NRG3: variants seen among roughly 807,000 people sequenced by gnomAD.
NRG3 encodes pro-neuregulin-3, membrane-bound isoform.
Under a neutral mutation model 66.9 loss-of-function variants are expected in NRG3, and 31 were observed. The observed-to-expected ratio is 0.46, with a 90% CI of 0.35 to 0.63. NRG3 has a LOEUF of 0.63. Ranked by LOEUF, NRG3 falls within the 20% of genes least tolerant of loss-of-function variation. NRG3 has a pLI of 0.00. For missense variants in NRG3, 910 were observed against 878.9 expected, an observed-to-expected ratio of 1.04 and a Z score of -0.45; for synonymous variants, 393 against 359.4, an observed-to-expected ratio of 1.09 and a Z score of -1.06.
At chr10:82,491,061 T>C (rs1843048888) in intron 2 of NRG3, among the ~76,000 whole-genome samples, 1 of 151,626 alleles carries the variant, frequency 6.6e-6, no homozygotes, top group East Asian at 1.9e-4. Flanking sequence ...CTCCTCTCTC[T>C]TTCTCTACAC....
At chr10:82,699,507 C>T (rs1342613117) in intron 2 of NRG3, among the ~76,000 whole-genome samples, 2 of 152,084 alleles carry the variant, frequency 1.3e-5, no homozygotes. Context: ...TATTGTCAAG[C>T]TAGCCTTAAG....
At chr10:82,548,039 GTT>G (rs57096412) in intron 2 of NRG3, among the ~76,000 whole-genome samples, 1,783 of 120,960 alleles carry the variant, frequency 0.015, 16 homozygotes, top group Middle Eastern at 0.09. Flanking sequence ...CTCATGCCAC[GTT>G]TTTTTTTTTT....
At chr10:82,443,161 A>AG (rs2090531130) in intron 2 of NRG3, among the ~76,000 whole-genome samples, 1 of 152,044 alleles carries the variant, frequency 6.6e-6, no homozygotes, top group Admixed American at 6.6e-5. Flanking sequence ...GGAGAGGGAG[A>AG]GAAAAAAGCC....
chr10:82,299,833 GATGCAAAAAACCATCA>G (rs1421570345), intron 1 of NRG3, among the ~76,000 whole-genome samples: 3 of 151,974 alleles, frequency 2.0e-5, no homozygotes, highest in African/African-American at 7.2e-5. Flanking sequence ...AATTCCAAGG[GATGCAAAAAACCATCA>G]ATGTATTTTA....
At chr10:82,706,514 C>A (rs1271414550) in intron 2 of NRG3, among the ~76,000 whole-genome samples, 3 of 152,160 alleles carry the variant, frequency 2.0e-5, no homozygotes, top group African/African-American at 4.8e-5. Flanking sequence ...TCTTGTGAGT[C>A]TCCATCCTGG....
At chr10:82,953,129 C>A (rs1385319829) in intron 5 of NRG3, among the ~76,000 whole-genome samples, 1 of 151,878 alleles carries the variant, frequency 6.6e-6, no homozygotes, top group African/African-American at 2.4e-5. Flanking sequence ...TTAGCTGTTA[C>A]ATCTCCTAGG....
intron 3 of NRG3, among the ~76,000 whole-genome samples, chr10:82,778,816 T>A (rs1167187019): frequency 1.3e-5 from 2 of 152,012 alleles, no homozygotes; most frequent in Admixed American, 6.5e-5. Flanking sequence ...GTGGGGCAGC[T>A]GGTTGGTTCA....
chr10:82,668,369 C>A (rs181601053), intron 2 of NRG3, among the ~76,000 whole-genome samples: 4 of 152,220 alleles, frequency 2.6e-5, no homozygotes, highest in African/African-American at 9.6e-5. Flanking sequence ...TTATTACCCT[C>A]TTAGATTCTA....
chr10:82,456,829 G>C (rs1484389758), intron 2 of NRG3, among the ~76,000 whole-genome samples: 1 of 152,106 alleles, frequency 6.6e-6, no homozygotes, highest in Non-Finnish European at 1.5e-5. Context: ...CACTCGGCCT[G>C]CCCCAGGTCT....
chr10:82,319,653 G>T (rs976871321), intron 1 of NRG3, among the ~76,000 whole-genome samples: 1 of 152,162 alleles, frequency 6.6e-6, no homozygotes, highest in Non-Finnish European at 1.5e-5. Context: ...ATAAGTTGGG[G>T]TTTGGCAAAC....
chr10:82,072,149 G>T (rs2064844102), intron 1 of NRG3, among the ~76,000 whole-genome samples: 2 of 152,108 alleles, frequency 1.3e-5, no homozygotes, highest in Admixed American at 1.3e-4. Context: ...AAACATGTTT[G>T]CATATGATAT....
chr10:82,362,212 A>G (rs1369148363), intron 2 of NRG3, among the ~76,000 whole-genome samples: 3 of 150,794 alleles, frequency 2.0e-5, no homozygotes, highest in Non-Finnish European at 2.9e-5. Context: ...TTGTGGTACC[A>G]GTACTTAGAA....
chr10:82,597,533 T>C (rs1590816551), intron 2 of NRG3, among the ~76,000 whole-genome samples: 1 of 152,156 alleles, frequency 6.6e-6, no homozygotes, highest in Admixed American at 6.5e-5. Flanking sequence ...CAGGGGCAGG[T>C]TTCCTCATAA....
intron 1 of NRG3, among the ~76,000 whole-genome samples, chr10:81,968,867 T>C (rs2059826828): frequency 6.6e-6 from 1 of 152,148 alleles, no homozygotes; most frequent in Non-Finnish European, 1.5e-5. Context: ...GCTTATCTCT[T>C]TGGAGATGTG....
intron 1 of NRG3, among the ~76,000 whole-genome samples, chr10:82,220,775 A>G (rs911272088): frequency 2.0e-5 from 3 of 152,300 alleles, no homozygotes; most frequent in Non-Finnish European, 4.4e-5. Flanking sequence ...CTAGGGAGAC[A>G]GAGGCAAGAG....
At chr10:81,926,816 G>A (rs1846839107) in intron 1 of NRG3, among the ~76,000 whole-genome samples, 1 of 152,178 alleles carries the variant, frequency 6.6e-6, no homozygotes, top group African/African-American at 2.4e-5. Context: ...GATGTACCCT[G>A]ACTGCCACTT....
chr10:82,904,760 G>A (rs1844566635), intron 4 of NRG3, among the ~76,000 whole-genome samples: 2 of 152,016 alleles, frequency 1.3e-5, no homozygotes, highest in Admixed American at 1.3e-4. Flanking sequence ...AAGTAGATGG[G>A]GAAATGATTT....
At chr10:82,421,199 G>C (rs752730358) in intron 2 of NRG3, among the ~76,000 whole-genome samples, 4 of 152,098 alleles carry the variant, frequency 2.6e-5, no homozygotes, top group Non-Finnish European at 5.9e-5. Flanking sequence ...TAACACCTGT[G>C]ACTCATATCT....
chr10:81,942,021 C>T (rs1848448559), intron 1 of NRG3, among the ~76,000 whole-genome samples: 1 of 152,196 alleles, frequency 6.6e-6, no homozygotes, highest in Middle Eastern at 3.4e-3. Flanking sequence ...TCTTCTCATC[C>T]TTTTCCTTCC....
Sources: gnomAD v4.1 joint callset for allele counts (sites outside exome capture counted in the v4.1 genomes callset) on GRCh38, gnomAD v4.1.1 for gene constraint, MANE v1.5 for transcripts, NCBI Gene and HGNC (gene_info 2026-07-23, HGNC 2026-07-21) for gene names.